The following TFB1M variants were observed in gnomAD, a reference collection of about 807,000 sequenced individuals.
TFB1M encodes dimethyladenosine transferase 1, mitochondrial.
Under a neutral mutation model 31.1 loss-of-function variants are expected in TFB1M, and 27 were observed. The ratio of observed to expected loss-of-function variants is 0.87; its 90% CI spans 0.64 to 1.20. TFB1M has a LOEUF of 1.20. Among genes scored for constraint, TFB1M ranks in the 50% most tolerant of loss-of-function variants. The pLI, the probability that TFB1M is intolerant of heterozygous loss-of-function variation, is 0.00. For synonymous variants in TFB1M, 166 were observed against 151.8 expected (o/e 1.09, Z -0.69); for missense variants, 394 against 418.7 (o/e 0.94, Z 0.51).
chr6:155,297,067 A>G lies in TFB1M; in HGVS notation c.432T>C (p.Phe144=). ...TGATAATCAGTGGAGTTGAAACACTAAAAGGCAGATTTCCAATAATATGTA... is the reference window on the plus strand; with the variant it reads ...TGATAATCAGTGGAGTTGAAACACTGAAAGGCAGATTTCCAATAATATGTA... ...PNVHIIGNLP[F]SVSTPLIIKW... The change falls in exon 4 of 7, where the codon TTT becomes TTC. Residue 144 remains phenylalanine (F), a synonymous_variant. Coordinates refer to ENST00000367166, the MANE Select transcript of TFB1M (RefSeq NM_016020.4). 6.2e-7 allele frequency: 1 copy of G among 1,613,908 alleles called. No homozygotes were observed.
chr6:155,231,631 G>C, the TFB1M span, among the ~76,000 whole-genome samples: 1 of 149,490 alleles, frequency 6.7e-6, no homozygotes, highest in African/African-American at 2.6e-5. Context: ...GGCCCTGCCA[G>C]CTTCCCCCCA....
chr6:155,257,251 CA>C lies in TFB1M; in HGVS notation c.*584del, dbSNP rs2114650288. ...GTTTTGTGCAGTATACATTTTCCCACAAAATGGTTGTAAAGATTTAAGTTAT... is the reference window on the plus strand; with the variant it reads ...GTTTTGTGCAGTATACATTTTCCCACAAATGGTTGTAAAGATTTAAGTTAT... On this transcript the variant is annotated 3_prime_UTR_variant, in exon 7 of 7. Transcript: ENST00000367166. 9.8e-7 allele frequency: 1 copy of C among 1,016,646 alleles called. No homozygotes were observed. The highest frequency in any genetic ancestry group is 1.4e-6 in the Non-Finnish European group (1 of 717,096). The allele number at this position is 1,016,646 out of a possible 1,614,324, so 63.0% of individuals were successfully genotyped here.
chr6:155,268,760 T>G (rs974939437), intron 5 of TFB1M, among the ~76,000 whole-genome samples: 1 of 150,554 alleles, frequency 6.6e-6, no homozygotes, highest in African/African-American at 2.5e-5. Flanking sequence ...GCATGCTTGC[T>G]AAGAGTCATC....
rs1185714743 is a variant in TFB1M at position 155,256,230 on chromosome 6, C to T, written c.*1606G>A. ...TAGCCCATGTAGTAGTTTCTAGTGTCTAGTTCTATTTACATAATTGAGCTC... is the reference window on the plus strand; with the variant it reads ...TAGCCCATGTAGTAGTTTCTAGTGTTTAGTTCTATTTACATAATTGAGCTC... On this transcript the variant is annotated 3_prime_UTR_variant, in exon 7 of 7. Transcript: ENST00000367166. 8.4e-6 allele frequency: 5 copies of T among 598,044 alleles called. No individual in the cohort carries two copies. In the Admixed American group the frequency reaches 1.6e-4, roughly 19 times the overall value. 37.0% of individuals were successfully genotyped at this position (598,044 alleles called of 1,614,324 possible).
At chr6:155,297,786 A>G (rs1777242998) in intron 3 of TFB1M, among the ~76,000 whole-genome samples, 1 of 152,212 alleles carries the variant, frequency 6.6e-6, no homozygotes. Context: ...GTAATGAGGA[A>G]GGCATTGTGG....
chr6:155,310,741 T>C (rs1777980517), intron 2 of TFB1M: 2 of 169,402 alleles, frequency 1.2e-5, no homozygotes, highest in Non-Finnish European at 2.6e-5. Flanking sequence ...TAGTCTCTCA[T>C]GATGACAAAC....
the TFB1M span, among the ~76,000 whole-genome samples, chr6:155,240,077 CTT>C: frequency 6.6e-6 from 1 of 152,244 alleles, no homozygotes; most frequent in African/African-American, 2.4e-5. Flanking sequence ...CTGTGCCTCT[CTT>C]GAGTCTCTCC....
downstream of TFB1M, chr6:155,252,113 C>A: frequency 1.3e-6 from 1 of 786,944 alleles, no homozygotes; most frequent in South Asian, 1.7e-5. Flanking sequence ...ACTGATACTG[C>A]TTACTCTGAG....
At chr6:155,284,404 T>C (rs1040477071) in intron 5 of TFB1M, among the ~76,000 whole-genome samples, 4 of 152,204 alleles carry the variant, frequency 2.6e-5, no homozygotes, top group African/African-American at 9.6e-5. Context: ...CTATTCCTCA[T>C]GAGGCTGTGA....
chr6:155,243,869 AAAAAAAAAG>A, the TFB1M span: 2 of 582,276 alleles, frequency 3.4e-6, no homozygotes, highest in Non-Finnish European at 6.0e-6. Context: ...AAAAAAAAAA[AAAAAAAAAG>A]AATTTCAACA....
the TFB1M span, among the ~76,000 whole-genome samples, chr6:155,230,275 C>T: frequency 3.9e-5 from 6 of 152,346 alleles, no homozygotes; most frequent in Middle Eastern, 3.4e-3. Context: ...GTTCCTAACT[C>T]GCACCTGCCA....
At chr6:155,306,954 T>C (rs184704073) in intron 2 of TFB1M, among the ~76,000 whole-genome samples, 1 of 152,062 alleles carries the variant, frequency 6.6e-6, no homozygotes, top group Non-Finnish European at 1.5e-5. Flanking sequence ...ATCCCATTTC[T>C]ACAAAAAAAT....
At chr6:155,313,240 T>C in intron 1 of TFB1M, 1 of 145,312 alleles carries the variant, frequency 6.9e-6, no homozygotes, top group East Asian at 2.0e-4. Flanking sequence ...AGAGTGAAAC[T>C]CCATCTTAAA....
chr6:155,241,031 T>G, the TFB1M span, among the ~76,000 whole-genome samples: 9 of 152,068 alleles, frequency 5.9e-5, no homozygotes, highest in South Asian at 8.3e-4. Flanking sequence ...GGGAGAGAGA[T>G]CACTTTAGGT....
At position 155,256,533 on chromosome 6, in the gene TFB1M, G is replaced by C. The variant is rs1784041966; in HGVS notation, c.*1303C>G. On this transcript the variant is annotated 3_prime_UTR_variant, in exon 7 of 7. Transcript: ENST00000367166. ...TGAAGAATTCCTCCAGCAACGAGTGGACCGGTGAGACTGGCAAGGGAACCT... is the reference window on the plus strand; with the variant it reads ...TGAAGAATTCCTCCAGCAACGAGTGCACCGGTGAGACTGGCAAGGGAACCT... 2 of 1,614,056 alleles carry C rather than the reference G, an allele frequency of 1.2e-6. No homozygotes were observed. The highest frequency in any genetic ancestry group is 1.7e-6 in the Non-Finnish European group (2 of 1,180,042).
At chr6:155,285,783 T>A (rs1323715400) in intron 4 of TFB1M, among the ~76,000 whole-genome samples, 2 of 152,222 alleles carry the variant, frequency 1.3e-5, no homozygotes, top group Non-Finnish European at 2.9e-5. Context: ...TGACAAATAA[T>A]TTTTGTAAAA....
chr6:155,230,836 C>T, the TFB1M span, among the ~76,000 whole-genome samples: 3 of 141,026 alleles, frequency 2.1e-5, no homozygotes, highest in Non-Finnish European at 4.6e-5. Flanking sequence ...GGCAGAGCTA[C>T]TTTTTTTTTT....
chr6:155,257,601 G>GTT lies in TFB1M; in HGVS notation c.*233_*234dup, dbSNP rs1784150238. On this transcript the variant is annotated 3_prime_UTR_variant, in exon 7 of 7. Transcript: ENST00000367166. Reference sequence around the variant, plus strand: ...TGTAAGATAGATTGTAATAGATGCTGTTTATACTAAACATGTCATAACTAT... The same window carrying GTT: ...TGTAAGATAGATTGTAATAGATGCTGTTTTTATACTAAACATGTCATAACTAT... 2.0e-6 allele frequency: 1 copy of GTT among 510,534 alleles called. No homozygotes were observed. 31.6% of individuals were successfully genotyped at this position (510,534 alleles called of 1,614,324 possible). A position where few individuals can be genotyped will look rare whatever the true frequency, so the allele number is the denominator to read the frequency against.
chr6:155,274,872 G>A (rs1296239474), intron 5 of TFB1M, among the ~76,000 whole-genome samples: 1 of 152,164 alleles, frequency 6.6e-6, no homozygotes, highest in East Asian at 1.9e-4. Flanking sequence ...TCTTTAAAAG[G>A]TGGCCTTAAT....
Sources: allele counts gnomAD v4.1 joint callset (sites outside exome capture counted in the v4.1 genomes callset), GRCh38; gene constraint gnomAD v4.1.1; transcripts MANE v1.5; gene names NCBI Gene and HGNC (gene_info 2026-07-23, HGNC 2026-07-21).